BCAS2: variants seen among roughly 807,000 people sequenced by gnomAD.
The protein encoded by BCAS2 is pre-mRNA-splicing factor SPF27.
BCAS2 carries 34 observed loss-of-function variants against 35.3 expected under a neutral mutation model. The observed-to-expected ratio is 0.96, with a 90% CI of 0.73 to 1.28. BCAS2 has a LOEUF of 1.28. BCAS2 is among the 50% of genes most tolerant of loss of function. The pLI is 0.00. For synonymous variants in BCAS2, 75 were observed against 91.6 expected (o/e 0.82, Z 1.03); for missense variants, 221 against 268.1 (o/e 0.82, Z 1.23).
Position 114,573,526 on chromosome 1 carries a change from G to A in BCAS2, c.419+2064C>T, listed in dbSNP as rs115056839. On this transcript the variant is annotated intron_variant, in intron 4 of 6. Coordinates refer to ENST00000369541, the MANE Select transcript of BCAS2 (RefSeq NM_005872.3). ...AGGATTATAAGCGTGAACCACGCCT[G>A]GCAATGCCCCATCTCTTAACGCTTA... is the stretch of plus-strand genomic sequence containing the variant. Among the ~76,000 whole-genome samples the A allele has an allele frequency of 7.4e-3, 1,128 of 152,116 alleles. 8 individuals carry two copies. Among genetic ancestry groups the A allele is most frequent in the South Asian group, 0.027 (130 of 4,822 alleles).
At chr1:114,570,772 A>C in intron 4 of BCAS2, 22 bp from the exon 5 acceptor site, 13 of 1,510,206 alleles carry the variant, frequency 8.6e-6, no homozygotes, top group Non-Finnish European at 1.2e-5. Flanking sequence ...GAGGAAAATC[A>C]GATTAAAATA....
At chr1:114,573,648 G>A (rs1654696826) in intron 4 of BCAS2, among the ~76,000 whole-genome samples, 1 of 152,186 alleles carries the variant, frequency 6.6e-6, no homozygotes. Context: ...TCTTCCATTA[G>A]ATAAAGCTTC....
chr1:114,576,595 C>T, intron 3 of BCAS2, 93 bp downstream of exon 3: 1 of 1,073,210 alleles, frequency 9.3e-7, no homozygotes, highest in East Asian at 2.7e-5. Context: ...GCCAACACTG[C>T]CAATATTAGC....
In BCAS2 at chr1:114,567,776, C is replaced by A. The variant is rs992310376; in HGVS notation, c.*354G>T. On this transcript the variant is annotated 3_prime_UTR_variant, in exon 7 of 7. Transcript: ENST00000369541. ...CTCTTTATTAGACAAAGTCATAAAC[C>A]AAAAATTTCCAACTTCCTGTACATG... 6.4e-5 allele frequency: 11 copies of A among 171,378 alleles called. No individual in the cohort carries two copies. The highest frequency in any genetic ancestry group is 1.2e-5 in the Non-Finnish European group (1 of 80,362). 10.6% of individuals were successfully genotyped at this position (171,378 alleles called of 1,614,324 possible). A position where few individuals can be genotyped will look rare whatever the true frequency, so the allele number is the denominator to read the frequency against.
chr1:114,580,306 T>C (rs1031404097), intron 2 of BCAS2, among the ~76,000 whole-genome samples: 4 of 152,236 alleles, frequency 2.6e-5, no homozygotes, highest in African/African-American at 9.6e-5. Context: ...CTGTACATAC[T>C]GAAATACTTG....
chr1:114,569,881 ATTTC>A (rs1654604352), intron 6 of BCAS2, 107 bp downstream of exon 6: 2 of 807,686 alleles, frequency 2.5e-6, no homozygotes, highest in African/African-American at 3.5e-5. Context: ...AGAAAATAGC[ATTTC>A]TTTGTTACCT....
intron 5 of BCAS2, 140 bp downstream of exon 5, chr1:114,570,560 G>A: frequency 1.5e-6 from 1 of 658,654 alleles, no homozygotes; most frequent in Non-Finnish European, 2.6e-6. Context: ...GGCAAACCCA[G>A]TGTCAGATGT....
intron 4 of BCAS2, among the ~76,000 whole-genome samples, chr1:114,571,797 C>G (rs1475936821): frequency 2.0e-5 from 3 of 152,142 alleles, no homozygotes; most frequent in African/African-American, 7.2e-5. Context: ...CTCCTGTCTA[C>G]TGCTAACTAG....
chr1:114,581,602 T>G lies in BCAS2; in HGVS notation c.-11A>C. 1 of 1,612,928 alleles carries G rather than the reference T, an allele frequency of 6.2e-7. No individual in the cohort carries two copies. The highest frequency in any genetic ancestry group is 8.5e-7 in the Non-Finnish European group (1 of 1,179,962). ...ACCTGTGCCCGCCATTCTGAGGACC[T>G]CAGGTTTGCCTGCGTTTTCTGCGTC... is the stretch of plus-strand genomic sequence containing the variant. On this transcript the variant is annotated 5_prime_UTR_variant, in exon 1 of 7. Transcript: ENST00000369541.
At chr1:114,581,278 C>G in intron 2 of BCAS2, 21 bp downstream of exon 2, 1 of 1,612,162 alleles carries the variant, frequency 6.2e-7, no homozygotes, top group South Asian at 1.1e-5. Flanking sequence ...TCGTTCACAC[C>G]TAGGCTCAAG....
At chr1:114,575,791 T>G in intron 3 of BCAS2, 40 bp from the exon 4 acceptor site, 1 of 1,596,224 alleles carries the variant, frequency 6.3e-7, no homozygotes, top group East Asian at 2.2e-5. Flanking sequence ...CCATCTATAC[T>G]GCCAAGCCTT....
At chr1:114,576,802 A>T (rs990319570) in intron 2 of BCAS2, 44 bp from the exon 3 acceptor site, 5 of 1,452,022 alleles carry the variant, frequency 3.4e-6, no homozygotes, top group Non-Finnish European at 3.8e-6. Context: ...TCATGTTGAC[A>T]ACTAAAAATT....
chr1:114,570,793 G>A (rs1386823468), intron 4 of BCAS2, 43 bp from the exon 5 acceptor site: 2 of 1,352,042 alleles, frequency 1.5e-6, no homozygotes, highest in East Asian at 2.4e-5. Flanking sequence ...CATTAAAATA[G>A]TACCAATTAA....
In BCAS2 at chr1:114,574,101, C is replaced by T. The variant is rs182719748; in HGVS notation, c.419+1489G>A. On this transcript the variant is annotated intron_variant, in intron 4 of 6. Transcript: ENST00000369541. ...GCAAGGAATCTGAATTCTAGATAGA[C>T]AATAAATACTAAAGCTAGAGCTAGT... 9.9e-3 allele frequency among the ~76,000 whole-genome samples: 1,511 copies of T among 152,220 alleles called. 17 individuals are homozygous for T. Among genetic ancestry groups the T allele is most frequent in the Middle Eastern group, 0.051 (15 of 294 alleles).
intron 3 of BCAS2, among the ~76,000 whole-genome samples, chr1:114,576,328 G>A (rs918454864): frequency 1.3e-5 from 2 of 149,250 alleles, no homozygotes; most frequent in Non-Finnish European, 3.0e-5. Context: ...GCACAATCTC[G>A]GCTTGCTGCA....
At chr1:114,570,830 C>T (rs1414037758) in intron 4 of BCAS2, 80 bp from the exon 5 acceptor site, 2 of 988,018 alleles carry the variant, frequency 2.0e-6, no homozygotes, top group East Asian at 5.2e-5. Context: ...GTTTTTCTGC[C>T]AAAAATCATA....
intron 4 of BCAS2, among the ~76,000 whole-genome samples, chr1:114,574,676 C>G (rs1479631614): frequency 1.3e-5 from 2 of 152,126 alleles, no homozygotes; most frequent in Non-Finnish European, 2.9e-5. Context: ...CAAATGGGAC[C>G]TCAGAACTAG....
In BCAS2 at chr1:114,567,645, T is replaced by C. The variant is rs2101624619; in HGVS notation, c.*485A>G. On this transcript the variant is annotated 3_prime_UTR_variant, in exon 7 of 7. Transcript: ENST00000369541. ...AACAATGTTCAGCACATATTAAGCT[T>C]GATATAACTGTTACCTATGATGATG... 6.5e-6 allele frequency: 1 copy of C among 153,870 alleles called. No individual in the cohort carries two copies. Among genetic ancestry groups the C allele is most frequent in the Non-Finnish European group, 1.4e-5 (1 of 69,098 alleles). The allele number at this position is 153,870 out of a possible 1,614,324, so 9.5% of individuals were successfully genotyped here.
rs1654559281 is a variant in BCAS2, at chr1:114,567,926, G to A, written c.*204C>T. On this transcript the variant is annotated 3_prime_UTR_variant, in exon 7 of 7. Coordinates refer to ENST00000369541, the MANE Select transcript of BCAS2 (RefSeq NM_005872.3). Reference sequence around the variant, plus strand: ...GAAAGCCTAAAGATTTTCTTTTATGGCTATAAAAATACCACCAAGCTAGAC... The same window carrying A: ...GAAAGCCTAAAGATTTTCTTTTATGACTATAAAAATACCACCAAGCTAGAC... 1 of 562,922 alleles carries A rather than the reference G, an allele frequency of 1.8e-6. No homozygotes were observed. The highest frequency in any genetic ancestry group is 3.7e-5 in the South Asian group (1 of 27,358). 34.9% of individuals were successfully genotyped at this position (562,922 alleles called of 1,614,324 possible). A position where few individuals can be genotyped will look rare whatever the true frequency, so the allele number is the denominator to read the frequency against.
Sources: allele counts gnomAD v4.1 joint callset (sites outside exome capture counted in the v4.1 genomes callset), GRCh38; gene constraint gnomAD v4.1.1; transcripts MANE v1.5; gene names NCBI Gene and HGNC (gene_info 2026-07-23, HGNC 2026-07-21).